The following RBMS3 variants were observed in gnomAD, a reference collection of about 807,000 sequenced individuals.
RBMS3 encodes the protein RNA-binding motif, single-stranded-interacting protein 3.
RBMS3 carries 27 observed loss-of-function variants against 66.8 expected under a neutral mutation model. The observed-to-expected ratio is 0.40, with a 90% CI of 0.30 to 0.56. The LOEUF (loss-of-function observed/expected upper bound fraction) is 0.56. RBMS3 is among the 20% of genes least tolerant of loss of function. The pLI, the probability that RBMS3 is intolerant of heterozygous loss-of-function variation, is 0.40. For synonymous variants in RBMS3, 188 were observed against 183.0 expected (o/e 1.03, Z -0.22); for missense variants, 513 against 549.5 (o/e 0.93, Z 0.66).
chr3:29,994,054 G>T (rs572215309), intron 14 of RBMS3, among the ~76,000 whole-genome samples: 5 of 152,160 alleles, frequency 3.3e-5, no homozygotes, highest in Admixed American at 1.3e-4. Flanking sequence ...CAGACTGGGC[G>T]CAGGTCAGTG....
intron 10 of RBMS3, among the ~76,000 whole-genome samples, chr3:29,916,376 T>C (rs908256754): frequency 1.3e-5 from 2 of 152,020 alleles, no homozygotes; most frequent in Non-Finnish European, 2.9e-5. Context: ...TGAATATCCA[T>C]TAAAGAGCAT....
chr3:29,933,773 TG>T (rs1430882526), intron 10 of RBMS3: 3 of 152,184 alleles, frequency 2.0e-5, no homozygotes, highest in Admixed American at 1.3e-4. Context: ...TTCCAATTAA[TG>T]ATAAATCCCT....
intron 4 of RBMS3, among the ~76,000 whole-genome samples, chr3:29,701,907 A>G (rs931129604): frequency 1.3e-5 from 2 of 152,048 alleles, no homozygotes; most frequent in African/African-American, 4.8e-5. Flanking sequence ...TCGACCGCCC[A>G]AAGGCTGAGG....
chr3:29,667,070 AT>A (rs1174746510), intron 4 of RBMS3, among the ~76,000 whole-genome samples: 1 of 152,192 alleles, frequency 6.6e-6, no homozygotes, highest in African/African-American at 2.4e-5. Flanking sequence ...ATTTAACCAA[AT>A]TGTTTCCCTG....
intron 2 of RBMS3, among the ~76,000 whole-genome samples, chr3:29,456,757 G>A (rs1415566460): frequency 6.6e-6 from 1 of 152,160 alleles, no homozygotes; most frequent in Non-Finnish European, 1.5e-5. Context: ...AAGTAAGTGT[G>A]TTCAATGTAA....
intron 14 of RBMS3, 67 bp downstream of exon 14, chr3:29,991,276 G>T (rs929897714): frequency 3.5e-5 from 56 of 1,604,118 alleles, no homozygotes; most frequent in Non-Finnish European, 4.6e-5. Context: ...CTCTCATGTT[G>T]TATGTGTTAG....
At chr3:29,963,022 T>G (rs1002094185) in intron 12 of RBMS3, among the ~76,000 whole-genome samples, 1 of 152,120 alleles carries the variant, frequency 6.6e-6, no homozygotes, top group African/African-American at 2.4e-5. Flanking sequence ...TCACAATTGC[T>G]TCCAGTTACT....
intron 6 of RBMS3, among the ~76,000 whole-genome samples, chr3:29,831,073 A>G (rs892484203): frequency 6.6e-6 from 1 of 152,196 alleles, no homozygotes; most frequent in African/African-American, 2.4e-5. Context: ...AATAAATATC[A>G]TATTTAAAAT....
intron 4 of RBMS3, among the ~76,000 whole-genome samples, chr3:29,703,663 A>G (rs2052737050): frequency 6.6e-6 from 1 of 152,208 alleles, no homozygotes; most frequent in African/African-American, 2.4e-5. Context: ...AAGTAGGTGC[A>G]AACTCACCTG....
At chr3:29,441,145 A>G (rs1400831796) in intron 2 of RBMS3, among the ~76,000 whole-genome samples, 1 of 152,196 alleles carries the variant, frequency 6.6e-6, no homozygotes, top group Non-Finnish European at 1.5e-5. Flanking sequence ...GTGAGCAGGA[A>G]GTGAATACTG....
At chr3:29,650,959 C>G (rs79640863) in intron 4 of RBMS3, among the ~76,000 whole-genome samples, 10,581 of 152,162 alleles carry the variant, frequency 0.07, 421 homozygotes, top group Non-Finnish European at 0.079. Context: ...TTTTACAGAG[C>G]CTGAAGTCTT....
At chr3:29,711,040 G>T (rs771546537) in intron 4 of RBMS3, among the ~76,000 whole-genome samples, 5 of 152,130 alleles carry the variant, frequency 3.3e-5, no homozygotes, top group Admixed American at 1.3e-4. Context: ...AAGCCCCCCA[G>T]TGGATGCCTG....
rs147951140 is a variant in RBMS3, at chr3:29,749,517, A to G, written c.557+9640A>G. Among the ~76,000 whole-genome samples, 157 of 152,262 alleles carry G rather than the reference A, an allele frequency of 1.0e-3. 1 individual carries two copies. Among genetic ancestry groups the G allele is most frequent in the African/African-American group, 3.6e-3 (149 of 41,568 alleles). ...TTTTTCATAAGGAATCTCAAATTAGATTTTTAAAAGCCTCTTGAGGCTAGG... is the reference window on the plus strand; with the variant it reads ...TTTTTCATAAGGAATCTCAAATTAGGTTTTTAAAAGCCTCTTGAGGCTAGG... On this transcript the variant is annotated intron_variant, in intron 5 of 14. Transcript: ENST00000383767.
chr3:29,388,453 T>C (rs961925685), intron 1 of RBMS3, among the ~76,000 whole-genome samples: 1 of 152,202 alleles, frequency 6.6e-6, no homozygotes, highest in Non-Finnish European at 1.5e-5. Flanking sequence ...ATCACTGCAC[T>C]ATAAAACCCA....
chr3:29,974,826 C>T (rs893254580), intron 12 of RBMS3, among the ~76,000 whole-genome samples: 6 of 128,688 alleles, frequency 4.7e-5, no homozygotes, highest in South Asian at 4.8e-4. Flanking sequence ...ATATAAAATA[C>T]GTTTATATAT....
At chr3:29,386,219 G>A (rs1030949510) in intron 1 of RBMS3, among the ~76,000 whole-genome samples, 1 of 150,998 alleles carries the variant, frequency 6.6e-6, no homozygotes, top group African/African-American at 2.4e-5. Context: ...TTAACAGCAT[G>A]ACCACTCGCT....
intron 1 of RBMS3, among the ~76,000 whole-genome samples, chr3:29,344,846 T>G (rs952938098): frequency 6.6e-6 from 1 of 152,208 alleles, no homozygotes; most frequent in Non-Finnish European, 1.5e-5. Flanking sequence ...ATAGGTTATC[T>G]TGTCATTTTC....
At chr3:29,358,954 G>A (rs1394309128) in intron 1 of RBMS3, among the ~76,000 whole-genome samples, 4 of 152,144 alleles carry the variant, frequency 2.6e-5, no homozygotes, top group Admixed American at 1.3e-4. Flanking sequence ...GGGCTGAGAT[G>A]ATGGGGTTTT....
At chr3:29,412,206 A>G (rs2125686253) in intron 1 of RBMS3, among the ~76,000 whole-genome samples, 1 of 152,336 alleles carries the variant, frequency 6.6e-6, no homozygotes, top group Non-Finnish European at 1.5e-5. Context: ...TTTGACAGTC[A>G]TGTATGACTA....
Sources: gnomAD v4.1 joint callset for allele counts (sites outside exome capture counted in the v4.1 genomes callset) on GRCh38, gnomAD v4.1.1 for gene constraint, MANE v1.5 for transcripts, NCBI Gene and HGNC (gene_info 2026-07-23, HGNC 2026-07-21) for gene names.